EYS: variants seen among roughly 807,000 people sequenced by gnomAD.
The protein encoded by EYS is EGF-like photoreceptor maintenance factor.
A neutral mutation model predicts 282.1 loss-of-function variants in EYS; 250 were observed. The observed-to-expected ratio is 0.89, with a 90% CI of 0.80 to 0.98. EYS has a LOEUF of 0.98. Among genes scored for constraint, EYS ranks in the 50% least tolerant of loss-of-function variants. EYS has a pLI of 0.00. For missense variants in EYS, 4,016 were observed against 3,709.0 expected, an observed-to-expected ratio of 1.08 and a Z score of -2.15; for synonymous variants, 1,355 against 1,282.9, an observed-to-expected ratio of 1.06 and a Z score of -1.20.
chr6:64,228,539 C>T (rs1457115638), intron 31 of EYS, among the ~76,000 whole-genome samples: 1 of 151,954 alleles, frequency 6.6e-6, no homozygotes, highest in Non-Finnish European at 1.5e-5. Flanking sequence ...TTATCATGTA[C>T]TTTTAAAAAA....
chr6:65,357,545 T>G (rs1764535679), intron 8 of EYS, among the ~76,000 whole-genome samples: 1 of 152,026 alleles, frequency 6.6e-6, no homozygotes, highest in Non-Finnish European at 1.5e-5. Flanking sequence ...TTTATACTGG[T>G]AGATTCATTT....
chr6:65,493,347 C>T (rs144362202), intron 4 of EYS, among the ~76,000 whole-genome samples: 1 of 152,188 alleles, frequency 6.6e-6, no homozygotes, highest in African/African-American at 2.4e-5. Context: ...GTGATCTGCT[C>T]TAGATATAGC....
intron 22 of EYS, among the ~76,000 whole-genome samples, chr6:64,696,825 A>G (rs1471959164): frequency 6.6e-6 from 1 of 152,218 alleles, no homozygotes; most frequent in Non-Finnish European, 1.5e-5. Context: ...GACTGGTCCT[A>G]CAAGAAATGC....
At chr6:65,704,536 C>T (rs1769805180) in intron 1 of EYS, among the ~76,000 whole-genome samples, 1 of 152,166 alleles carries the variant, frequency 6.6e-6, no homozygotes, top group South Asian at 2.1e-4. Context: ...GAGAGTATAT[C>T]TCTTCAGACT....
intron 31 of EYS, among the ~76,000 whole-genome samples, chr6:64,140,077 A>G (rs894147010): frequency 6.6e-6 from 1 of 152,138 alleles, no homozygotes; most frequent in Non-Finnish European, 1.5e-5. Context: ...CTGAGTGTAA[A>G]TGGTGGTATT....
chr6:65,206,701 G>A (rs1445399119), intron 12 of EYS, among the ~76,000 whole-genome samples: 1 of 151,676 alleles, frequency 6.6e-6, no homozygotes, highest in Non-Finnish European at 1.5e-5. Flanking sequence ...TTATTCCAGG[G>A]ATATAAGGGC....
intron 2 of EYS, among the ~76,000 whole-genome samples, chr6:65,612,375 G>C (rs1170308410): frequency 1.3e-5 from 2 of 151,532 alleles, no homozygotes; most frequent in Non-Finnish European, 3.0e-5. Context: ...CCATCTATCT[G>C]ATTACTGCTT....
chr6:65,119,520 T>C (rs1470896154), intron 12 of EYS, among the ~76,000 whole-genome samples: 2 of 152,042 alleles, frequency 1.3e-5, no homozygotes, highest in Non-Finnish European at 2.9e-5. Flanking sequence ...TTCACCCAGA[T>C]ATACATTCTA....
At chr6:64,623,279 A>G (rs1379690505) in intron 23 of EYS, among the ~76,000 whole-genome samples, 1 of 152,154 alleles carries the variant, frequency 6.6e-6, no homozygotes, top group Non-Finnish European at 1.5e-5. Flanking sequence ...AAACTTTATG[A>G]GGAGTTTCTC....
intron 35 of EYS, among the ~76,000 whole-genome samples, chr6:63,879,378 A>G (rs1773067524): frequency 6.6e-6 from 1 of 152,138 alleles, no homozygotes; most frequent in African/African-American, 2.4e-5. Flanking sequence ...CTGGATTACA[A>G]TGCTGGTTGG....
At chr6:64,934,712 C>A (rs778705793) in intron 15 of EYS, among the ~76,000 whole-genome samples, 1 of 151,644 alleles carries the variant, frequency 6.6e-6, no homozygotes, top group Non-Finnish European at 1.5e-5. Flanking sequence ...TTCAGATAAA[C>A]AAGAACAGGA....
chr6:65,139,877 C>T (rs1489109065), intron 12 of EYS, among the ~76,000 whole-genome samples: 4 of 152,016 alleles, frequency 2.6e-5, no homozygotes, highest in Non-Finnish European at 5.9e-5. Flanking sequence ...TTGACCCCTA[C>T]CTGGAGCTAC....
intron 41 of EYS, among the ~76,000 whole-genome samples, chr6:63,757,581 T>G (rs1281859728): frequency 6.6e-6 from 1 of 152,168 alleles, no homozygotes; most frequent in African/African-American, 2.4e-5. Context: ...TTTGAAATCC[T>G]TAATAAAAAC....
chr6:64,182,194 A>T (rs925593601), intron 31 of EYS, among the ~76,000 whole-genome samples: 1 of 152,160 alleles, frequency 6.6e-6, no homozygotes, highest in Non-Finnish European at 1.5e-5. Context: ...TATTAAGACT[A>T]CTTTTAAACT....
At chr6:64,155,741 G>A (rs1413928533) in intron 31 of EYS, among the ~76,000 whole-genome samples, 3 of 152,128 alleles carry the variant, frequency 2.0e-5, no homozygotes, top group Non-Finnish European at 4.4e-5. Flanking sequence ...TATTTAAAAT[G>A]TGTATATTTT....
intron 28 of EYS, among the ~76,000 whole-genome samples, chr6:64,423,199 G>T (rs2150453473): frequency 6.6e-6 from 1 of 152,118 alleles, no homozygotes; most frequent in South Asian, 2.1e-4. Context: ...TCTCTTCATG[G>T]ATTAACAATT....
At chr6:64,013,218 G>A (rs1400831789) in intron 33 of EYS, among the ~76,000 whole-genome samples, 1 of 152,082 alleles carries the variant, frequency 6.6e-6, no homozygotes, top group Non-Finnish European at 1.5e-5. Context: ...CAGCCATCAC[G>A]AGATACTGGA....
intron 35 of EYS, among the ~76,000 whole-genome samples, chr6:63,875,888 G>A (rs1434142012): frequency 1.3e-5 from 2 of 151,962 alleles, no homozygotes. Context: ...CTTGCTAGCG[G>A]TCTATCAATT....
At chr6:64,368,078 G>A (rs758831147) in intron 29 of EYS, among the ~76,000 whole-genome samples, 20 of 151,948 alleles carry the variant, frequency 1.3e-4, no homozygotes, top group Non-Finnish European at 2.1e-4. Flanking sequence ...GTAGTTTTTC[G>A]ATCCTCAACC....
Sources: gnomAD v4.1 joint callset for allele counts (sites outside exome capture counted in the v4.1 genomes callset) on GRCh38, gnomAD v4.1.1 for gene constraint, MANE v1.5 for transcripts, NCBI Gene and HGNC (gene_info 2026-07-23, HGNC 2026-07-21) for gene names.